SCD5: variants seen among roughly 807,000 people sequenced by gnomAD.
The protein encoded by SCD5 is acyl-CoA-desaturase 4.
Under a neutral mutation model 30.4 loss-of-function variants are expected in SCD5, and 20 were observed. The observed-to-expected ratio is 0.66, with a 90% CI of 0.46 to 0.96. SCD5 has a LOEUF of 0.96. SCD5 is among the 40% of genes least tolerant of loss of function. SCD5 has a pLI of 0.00. For synonymous variants in SCD5, 173 were observed against 176.4 expected, an observed-to-expected ratio of 0.98 and a Z score of 0.16; for missense variants, 381 against 443.3, an observed-to-expected ratio of 0.86 and a Z score of 1.26.
intron 1 of SCD5, among the ~76,000 whole-genome samples, chr4:82,788,205 A>G (rs985579283): frequency 6.6e-6 from 1 of 152,214 alleles, no homozygotes; most frequent in Non-Finnish European, 1.5e-5. Flanking sequence ...CCCAGCCTCC[A>G]GAACTCAGAA....
At chr4:82,632,614 T>C (rs1215672405) in intron 4 of SCD5, among the ~76,000 whole-genome samples, 2 of 152,244 alleles carry the variant, frequency 1.3e-5, no homozygotes, top group Non-Finnish European at 2.9e-5. Context: ...ATTGCCACAC[T>C]GTCTTCCACA....
intron 3 of SCD5, among the ~76,000 whole-genome samples, chr4:82,653,918 A>ATTT (rs34178799): frequency 1.4e-5 from 2 of 146,622 alleles, no homozygotes; most frequent in East Asian, 2.0e-4. Flanking sequence ...GTCAATGAGT[A>ATTT]TTTTTTTTTT....
intron 1 of SCD5, among the ~76,000 whole-genome samples, chr4:82,729,787 C>T (rs1720587527): frequency 1.3e-5 from 2 of 152,184 alleles, no homozygotes; most frequent in Admixed American, 1.3e-4. Context: ...CTCTCCTCCC[C>T]TCTCTACCAG....
chr4:82,750,303 G>C (rs1292486047), intron 1 of SCD5, among the ~76,000 whole-genome samples: 1 of 152,178 alleles, frequency 6.6e-6, no homozygotes, highest in African/African-American at 2.4e-5. Context: ...TGTGTTTAAA[G>C]TAGCTGAGTC....
chr4:82,746,180 G>C (rs1056338445), intron 1 of SCD5, among the ~76,000 whole-genome samples: 1 of 152,184 alleles, frequency 6.6e-6, no homozygotes, highest in African/African-American at 2.4e-5. Flanking sequence ...CAGTACCGGA[G>C]AGAAAGTGGG....
intron 3 of SCD5, among the ~76,000 whole-genome samples, chr4:82,640,018 A>G (rs988239385): frequency 2.0e-5 from 3 of 152,148 alleles, no homozygotes; most frequent in Admixed American, 2.0e-4. Flanking sequence ...CCCTCGAGTC[A>G]TGAAGGCCCC....
chr4:82,631,863 G>A (rs928629832), intron 4 of SCD5, among the ~76,000 whole-genome samples: 1 of 152,014 alleles, frequency 6.6e-6, no homozygotes, highest in Non-Finnish European at 1.5e-5. Flanking sequence ...TCTGTGGGCT[G>A]GAGTGATTAA....
chr4:82,712,312 A>ATT (rs1163327880), intron 1 of SCD5, among the ~76,000 whole-genome samples: 2 of 22,824 alleles, frequency 8.8e-5, no homozygotes, highest in African/African-American at 2.0e-4. Context: ...TTTTTATTTT[A>ATT]TTTTTTTTTT....
rs1553915589 is a variant in SCD5 at position 82,679,220 on chromosome 4, A to AGAG, written c.569+1486_569+1487insCTC. Among the ~76,000 whole-genome samples the AGAG allele has an allele frequency of 9.9e-4, 32 of 32,212 alleles. 2 individuals are homozygous for AGAG. The highest frequency in any genetic ancestry group is 3.7e-3 in the African/African-American group (24 of 6,520). 21.1% of individuals were successfully genotyped at this position (32,212 alleles called of 152,430 possible). On this transcript the variant is annotated intron_variant, in intron 3 of 4. Transcript: ENST00000319540. The stretch of plus-strand genomic sequence containing the variant: ...TCTCCAAAAAAAAAAAAAAAGAAAG[A>AGAG]AAAGAAAGAAAGAAAGAAAGAAAGA...
chr4:82,782,708 C>T (rs1721898196), intron 1 of SCD5, among the ~76,000 whole-genome samples: 1 of 152,124 alleles, frequency 6.6e-6, no homozygotes, highest in African/African-American at 2.4e-5. Context: ...TCCTAATACT[C>T]TCCCTGCTCC....
chr4:82,714,103 C>G (rs922047759), intron 1 of SCD5, among the ~76,000 whole-genome samples: 1 of 152,228 alleles, frequency 6.6e-6, no homozygotes, highest in African/African-American at 2.4e-5. Context: ...GTATCATCAA[C>G]ACCGCCCCAC....
At chr4:82,710,239 C>G (rs888119260) in intron 1 of SCD5, among the ~76,000 whole-genome samples, 5 of 152,198 alleles carry the variant, frequency 3.3e-5, no homozygotes, top group African/African-American at 4.8e-5. Flanking sequence ...AAGGTACACC[C>G]TCTCTTAGAC....
intron 3 of SCD5, among the ~76,000 whole-genome samples, chr4:82,638,476 T>C (rs570279634): frequency 3.6e-4 from 55 of 152,288 alleles, no homozygotes; most frequent in Non-Finnish European, 6.3e-4. Flanking sequence ...TGGGTCACAA[T>C]ATACCTCTGG....
chr4:82,781,141 G>T (rs1028170931), intron 1 of SCD5, among the ~76,000 whole-genome samples: 1 of 152,194 alleles, frequency 6.6e-6, no homozygotes, highest in Non-Finnish European at 1.5e-5. Flanking sequence ...AGGGCCGGGC[G>T]TGGTGGCTCA....
At chr4:82,684,251 A>G (rs554907848) in intron 2 of SCD5, among the ~76,000 whole-genome samples, 1 of 152,336 alleles carries the variant, frequency 6.6e-6, no homozygotes. Context: ...CACATAATGA[A>G]GCCAAAAATA....
At chr4:82,639,895 C>T (rs1328702396) in intron 3 of SCD5, among the ~76,000 whole-genome samples, 1 of 152,214 alleles carries the variant, frequency 6.6e-6, no homozygotes, top group Non-Finnish European at 1.5e-5. Flanking sequence ...ACTGTCCCCA[C>T]CCCCATCTTG....
chr4:82,667,107 C>A (rs1479413171), intron 3 of SCD5, among the ~76,000 whole-genome samples: 1 of 152,034 alleles, frequency 6.6e-6, no homozygotes, highest in Admixed American at 6.6e-5. Context: ...CCATTGACAC[C>A]TGTTGATTAA....
chr4:82,649,137 TGTGA>T (rs1727691978), intron 3 of SCD5, among the ~76,000 whole-genome samples: 1 of 151,810 alleles, frequency 6.6e-6, no homozygotes, highest in Non-Finnish European at 1.5e-5. Context: ...TTATACTGCT[TGTGA>T]TTTACTTGAA....
At chr4:82,686,374 C>A (rs1319526433) in intron 2 of SCD5, among the ~76,000 whole-genome samples, 1 of 152,170 alleles carries the variant, frequency 6.6e-6, no homozygotes, top group African/African-American at 2.4e-5. Flanking sequence ...GAATTCAATG[C>A]TGCCTACTGG....
Sources: allele counts gnomAD v4.1 joint callset (sites outside exome capture counted in the v4.1 genomes callset), GRCh38; gene constraint gnomAD v4.1.1; transcripts MANE v1.5; gene names NCBI Gene and HGNC (gene_info 2026-07-23, HGNC 2026-07-21).